Variants in FBXL13 observed in about 807,000 individuals in gnomAD.
The protein encoded by FBXL13 is F-box and leucine-rich repeat protein 13.
Under a neutral mutation model 83.6 loss-of-function variants are expected in FBXL13, and 67 were observed. The observed-to-expected ratio is 0.80, with a 90% CI of 0.66 to 0.98. The LOEUF is 0.98. FBXL13 is among the 50% of genes least tolerant of loss of function. The pLI, the probability that FBXL13 is intolerant of heterozygous loss-of-function variation, is 0.00. For synonymous variants in FBXL13, 272 were observed against 299.5 expected (o/e 0.91, Z 0.95); for missense variants, 822 against 866.5 (o/e 0.95, Z 0.64).
At chr7:103,049,453 G>T (rs1290069651) in intron 2 of FBXL13, among the ~76,000 whole-genome samples, 1 of 152,110 alleles carries the variant, frequency 6.6e-6, no homozygotes, top group Non-Finnish European at 1.5e-5. Flanking sequence ...ACTTATTTTT[G>T]TTTAAACCAA....
intron 11 of FBXL13, among the ~76,000 whole-genome samples, chr7:102,886,673 G>A (rs907770717): frequency 2.0e-5 from 3 of 152,114 alleles, no homozygotes; most frequent in African/African-American, 4.8e-5. Flanking sequence ...TGAGATAATT[G>A]AGTAATATTA....
intron 14 of FBXL13, 54 bp downstream of exon 15, chr7:102,883,251 G>A: frequency 6.6e-7 from 1 of 1,516,560 alleles, no homozygotes; most frequent in Non-Finnish European, 8.9e-7. Flanking sequence ...GAGAGAACCT[G>A]GCACATACTA....
intron 8 of FBXL13, among the ~76,000 whole-genome samples, chr7:102,952,693 C>G (rs1221005620): frequency 1.3e-5 from 2 of 151,992 alleles, no homozygotes; most frequent in Non-Finnish European, 1.5e-5. Context: ...ATCAAAAAAC[C>G]TCCAACAAGG....
chr7:102,855,350 T>C (rs1805882476), intron 16 of FBXL13, among the ~76,000 whole-genome samples: 1 of 152,218 alleles, frequency 6.6e-6, no homozygotes, highest in Non-Finnish European at 1.5e-5. Flanking sequence ...TAGAGACAGA[T>C]AATCATTCAG....
At chr7:102,824,727 C>A (rs1217423300) in intron 18 of FBXL13, among the ~76,000 whole-genome samples, 2 of 151,636 alleles carry the variant, frequency 1.3e-5, no homozygotes, top group African/African-American at 4.8e-5. Flanking sequence ...CTCAAGTGAT[C>A]CGCTCACCTT....
chr7:103,025,130 T>G, exon 6 of FBXL13: 1 of 1,612,732 alleles, frequency 6.2e-7, no homozygotes, highest in Non-Finnish European at 8.5e-7. Context: ...AAGAAAGACT[T>G]CAGAAGAACT....
rs1051236245 is a variant in FBXL13, at chr7:103,053,563, C to T, written c.-1+2081G>A. On this transcript the variant is annotated intron_variant, in intron 2 of 19. Coordinates refer to ENST00000313221, the Ensembl canonical transcript of FBXL13. ...GTAATATTGACAATAGGGTTTACCA[C>T]GCTAAATCAGTGGTTTTCAAAAACT... Among the ~76,000 whole-genome samples the T allele has an allele frequency of 5.3e-5, 8 of 152,294 alleles. No homozygotes were observed. The East Asian group carries it at 5.8e-4, about 11-fold the overall frequency.
intron 18 of FBXL13, among the ~76,000 whole-genome samples, chr7:102,827,657 G>A (rs752081158): frequency 1.1e-4 from 17 of 151,856 alleles, no homozygotes; most frequent in Non-Finnish European, 2.1e-4. Flanking sequence ...GGTATATCTC[G>A]TAATGCTATT....
At chr7:103,074,590 TC>T, upstream of FBXL13, 1 of 1,245,258 alleles carries the variant, frequency 8.0e-7, no homozygotes, top group Non-Finnish European at 1.0e-6. Flanking sequence ...CCTCCACTCC[TC>T]CCCAATCCCG....
chr7:102,820,123 T>C (rs1322798013), intron 19 of FBXL13, among the ~76,000 whole-genome samples: 3 of 152,206 alleles, frequency 2.0e-5, no homozygotes, highest in Admixed American at 2.0e-4. Flanking sequence ...TCTTTCTCCA[T>C]TGCTAGACAA....
intron 14 of FBXL13, among the ~76,000 whole-genome samples, chr7:102,879,949 G>A (rs969618964): frequency 3.3e-5 from 5 of 152,112 alleles, no homozygotes; most frequent in East Asian, 1.9e-4. Context: ...CTCGTGATCC[G>A]CCCACCTGGG....
intron 1 of FBXL13, among the ~76,000 whole-genome samples, chr7:103,059,027 A>C (rs934991438): frequency 2.0e-5 from 3 of 152,302 alleles, no homozygotes; most frequent in African/African-American, 7.2e-5. Context: ...TATGAGACCA[A>C]GGTGGGAGGT....
intron 2 of FBXL13, among the ~76,000 whole-genome samples, chr7:103,037,999 G>C (rs1471461958): frequency 6.6e-6 from 1 of 152,088 alleles, no homozygotes; most frequent in Non-Finnish European, 1.5e-5. Context: ...GTAGGGCATC[G>C]CCTCACCCAG....
intron 19 of FBXL13, among the ~76,000 whole-genome samples, chr7:102,815,147 T>A (rs1005803393): frequency 3.3e-5 from 5 of 152,114 alleles, no homozygotes; most frequent in Non-Finnish European, 7.4e-5. Context: ...AGTCTAAACA[T>A]TATCCATTTT....
intron 16 of FBXL13, among the ~76,000 whole-genome samples, chr7:102,873,552 G>A (rs772302279): frequency 6.6e-6 from 1 of 152,184 alleles, no homozygotes; most frequent in Non-Finnish European, 1.5e-5. Flanking sequence ...TGGTCACTAT[G>A]CATCTGTGAT....
At chr7:102,951,542 TC>T (rs1310870971) in intron 8 of FBXL13, among the ~76,000 whole-genome samples, 1 of 151,910 alleles carries the variant, frequency 6.6e-6, no homozygotes, top group Non-Finnish European at 1.5e-5. Flanking sequence ...GTGCAGTGGC[TC>T]ACACCTGTAA....
In FBXL13 at chr7:102,850,021, AAG is replaced by A. The variant is rs200662543; in HGVS notation, c.1719+4754_1719+4755del. ...TTGTTTTGTTTTTTTAGAAAAAAAA[AAG>A]AAAAATTTATTGTTCATGAATTTGA... On this transcript the variant is annotated intron_variant, in intron 17 of 19. Coordinates refer to ENST00000313221, the Ensembl canonical transcript of FBXL13. 9.6e-3 allele frequency among the ~76,000 whole-genome samples: 1,459 copies of A among 151,984 alleles called. 26 individuals carry two copies. Among genetic ancestry groups the A allele is most frequent in the African/African-American group, 0.034 (1,396 of 41,258 alleles).
At chr7:103,035,209 T>C (rs1445696458) in intron 2 of FBXL13, among the ~76,000 whole-genome samples, 3 of 152,194 alleles carry the variant, frequency 2.0e-5, no homozygotes, top group Non-Finnish European at 4.4e-5. Context: ...ATTGGGGCTC[T>C]TAGGAAGACC....
intron 15 of FBXL13, 22 bp from the exon 17 acceptor site, chr7:102,877,615 T>A: frequency 6.3e-7 from 1 of 1,596,368 alleles, no homozygotes; most frequent in Non-Finnish European, 8.5e-7. Context: ...TAGCATGGAT[T>A]AATTTTAGCT....
Sources: gnomAD v4.1 joint callset for allele counts (sites outside exome capture counted in the v4.1 genomes callset) on GRCh38, gnomAD v4.1.1 for gene constraint, MANE v1.5 for transcripts, NCBI Gene and HGNC (gene_info 2026-07-23, HGNC 2026-07-21) for gene names.